The following ZNF185 variants were observed in gnomAD, a reference collection of about 807,000 sequenced individuals.
ZNF185 encodes zinc finger protein 185.
A neutral mutation model predicts 58.6 loss-of-function variants in ZNF185; 56 were observed. The observed-to-expected ratio is 0.95, with a 90% CI of 0.77 to 1.19. ZNF185 has a LOEUF of 1.19. Among genes scored for constraint, ZNF185 ranks in the 50% most tolerant of loss-of-function variants. The pLI, the probability that ZNF185 is intolerant of heterozygous loss-of-function variation, is 0.00. For missense variants in ZNF185, 627 were observed against 573.5 expected (o/e 1.09, Z -0.95); for synonymous variants, 230 against 215.9 (o/e 1.07, Z -0.57).
chrX:152,920,196 C>G, intron 7 of ZNF185, 132 bp from the exon 9 acceptor site: 1 of 500,744 alleles, frequency 2.0e-6, no homozygotes. Context: ...GGAGCAGGTG[C>G]AAATCTGGTT....
At chrX:152,951,872 A>AT (rs1306986257) in intron 16 of ZNF185, among the ~76,000 whole-genome samples, 1 of 112,310 alleles carries the variant, frequency 8.9e-6, no homozygotes, top group East Asian at 2.7e-4. Flanking sequence ...TAAGTATTTT[A>AT]TCTTCTTTAT....
intron 16 of ZNF185, among the ~76,000 whole-genome samples, chrX:152,952,949 A>G (rs1327202045): frequency 9.2e-6 from 1 of 109,070 alleles, no homozygotes; most frequent in Non-Finnish European, 1.9e-5. Context: ...GGCACCCAGT[A>G]GATTGAGAGT....
At chrX:152,960,834 C>G (rs1231521196) in intron 17 of ZNF185, among the ~76,000 whole-genome samples, 1 of 111,817 alleles carries the variant, frequency 8.9e-6, no homozygotes, top group Admixed American at 9.4e-5. Context: ...ATGGGCAGGG[C>G]CTAGAGGGCA....
intron 16 of ZNF185, among the ~76,000 whole-genome samples, chrX:152,956,938 C>G (rs905540218): frequency 3.6e-5 from 4 of 112,072 alleles, no homozygotes; most frequent in Admixed American, 9.4e-5. Flanking sequence ...TAACCCTTTA[C>G]AATTTTTGTT....
intron 16 of ZNF185, among the ~76,000 whole-genome samples, chrX:152,956,022 AGTCTCAGCAT>A (rs1304777223): frequency 4.6e-5 from 5 of 109,391 alleles, no homozygotes; most frequent in Non-Finnish European, 9.5e-5. Flanking sequence ...TTAGGTTTCC[AGTCTCAGCAT>A]GTCATTCATA....
chrX:152,959,713 T>C (rs781792745), exon 17 of ZNF185: 2 of 1,210,753 alleles, frequency 1.7e-6, no homozygotes, highest in Non-Finnish European at 2.2e-6. Flanking sequence ...TTGACTGATT[T>C]TGAGGGGAAG....
intron 11 of ZNF185, among the ~76,000 whole-genome samples, chrX:152,926,993 C>G (rs1940986443): frequency 8.9e-6 from 1 of 112,387 alleles, no homozygotes; most frequent in South Asian, 3.7e-4. Context: ...TGTCTTCGCG[C>G]AGCCGTCTTC....
chrX:152,970,535 C>A (rs782769408), exon 22 of ZNF185: 1 of 1,207,584 alleles, frequency 8.3e-7, no homozygotes, highest in African/African-American at 1.8e-5. Context: ...ATGAGAAGCT[C>A]TTCTAGGTGG....
intron 15 of ZNF185, among the ~76,000 whole-genome samples, chrX:152,939,257 A>AT (rs34025729): frequency 0.26 from 28,835 of 111,206 alleles, 2,800 homozygotes; most frequent in South Asian, 0.31. Flanking sequence ...ATGAGGCCTT[A>AT]TTGTGTTTCT....
rs1939331184 is a variant in ZNF185, at chrX:152,919,758, C to G, written c.531-570C>G. Among the ~76,000 whole-genome samples, 3 of 112,854 alleles carry G rather than the reference C, an allele frequency of 2.7e-5. No individual in the cohort carries two copies. In the South Asian group the frequency reaches 1.1e-3, roughly 41 times the overall value. On this transcript the variant is annotated intron_variant, in intron 7 of 22. Transcript: ENST00000449285. ...GGCCCTGAGGAAATAAAGCCCTCCCCTCCCTGGGCTCAGCCAGCCACCAGG... is the reference window on the plus strand; with the variant it reads ...GGCCCTGAGGAAATAAAGCCCTCCCGTCCCTGGGCTCAGCCAGCCACCAGG...
At chrX:152,934,255 C>T (rs1281679361) in intron 14 of ZNF185, among the ~76,000 whole-genome samples, 1 of 112,431 alleles carries the variant, frequency 8.9e-6, no homozygotes, top group African/African-American at 3.2e-5. Flanking sequence ...AGTCGGGGCT[C>T]CTGCTACTCT....
At chrX:152,946,750 G>A (rs1361202641) in intron 16 of ZNF185, among the ~76,000 whole-genome samples, 1 of 112,005 alleles carries the variant, frequency 8.9e-6, no homozygotes, top group Non-Finnish European at 1.9e-5. Context: ...TCCGAGTGGA[G>A]GCTCACAAAG....
At chrX:152,910,207 C>T (rs868943882), upstream of ZNF185, among the ~76,000 whole-genome samples, 1 of 111,729 alleles carries the variant, frequency 9.0e-6, no homozygotes, top group Non-Finnish European at 1.9e-5. Flanking sequence ...CACGTCCGGC[C>T]CTGGTATCAA....
chrX:152,957,147 A>G (rs1255476833), intron 16 of ZNF185, among the ~76,000 whole-genome samples: 1 of 106,595 alleles, frequency 9.4e-6, no homozygotes, highest in Non-Finnish European at 1.9e-5. Flanking sequence ...GGCTCACTGC[A>G]ACCTCTGTCT....
At chrX:152,941,753 G>A (rs1337408465) in intron 15 of ZNF185, 2 of 1,163,798 alleles carry the variant, frequency 1.7e-6, no homozygotes, top group African/African-American at 1.8e-5. Flanking sequence ...ATTCTCTTGA[G>A]GCCATGCCCG....
chrX:152,922,749 G>A lies in ZNF185; in HGVS notation c.770G>A (p.Arg257Gln), dbSNP rs895396553. ...GATGGAGGCAGGACCAAAGCGTCTC[G>A]GGCAATTTGGATCGAGTGCCTGCCA... Residue 257 changes from arginine (R) to glutamine (Q), a missense_variant, in exon 11 of 23, where the codon CGG becomes CAG. By Grantham distance (43) the Arg-to-Gln change is conservative (BLOSUM62 1). Coordinates refer to ENST00000449285, the Ensembl canonical transcript of ZNF185. The A allele has an allele frequency of 1.3e-5, 15 of 1,199,513 alleles. No individual in the cohort carries two copies. The highest frequency in any genetic ancestry group is 5.5e-5 in the South Asian group (3 of 54,661).
In ZNF185 at chrX:152,918,416, G is replaced by A. The variant is rs781817860; in HGVS notation, c.431+262G>A. ...AGGAAGCTTGTAGGAGGGGCCCCAC[G>A]GATCTGGGGAAAGGGTCATGGGTCG... On this transcript the variant is annotated intron_variant, in intron 6 of 22. Coordinates refer to ENST00000449285, the Ensembl canonical transcript of ZNF185. 3.1e-4 allele frequency among the ~76,000 whole-genome samples: 35 copies of A among 113,029 alleles called. No individual in the cohort carries two copies. In the East Asian group the frequency reaches 4.2e-3, roughly 14 times the overall value.
chrX:152,914,685 A>G, intron 1 of ZNF185, 25 bp from the exon 3 acceptor site: 9 of 1,195,207 alleles, frequency 7.5e-6, no homozygotes, highest in Non-Finnish European at 1.0e-5. Flanking sequence ...TCCTCTTCTG[A>G]GGCGGTTGGC....
At chrX:152,937,155 G>A (rs937750483) in intron 14 of ZNF185, among the ~76,000 whole-genome samples, 2 of 111,754 alleles carry the variant, frequency 1.8e-5, no homozygotes, top group African/African-American at 3.3e-5. Flanking sequence ...GTAAGGATAC[G>A]TCATGCTCAG....
Sources: allele counts gnomAD v4.1 joint callset (sites outside exome capture counted in the v4.1 genomes callset), GRCh38; gene constraint gnomAD v4.1.1; transcripts MANE v1.5; gene names NCBI Gene and HGNC (gene_info 2026-07-23, HGNC 2026-07-21).